MED12L: variants seen among roughly 807,000 people sequenced by gnomAD.
MED12L encodes mediator of RNA polymerase II transcription subunit 12-like protein.
A neutral mutation model predicts 281.3 loss-of-function variants in MED12L; 60 were observed. The observed-to-expected ratio is 0.21, with a 90% CI of 0.17 to 0.26. The LOEUF (loss-of-function observed/expected upper bound fraction) is 0.26, where lower values mean the gene tolerates loss of function less well. Ranked by LOEUF, MED12L falls within the 10% of genes least tolerant of loss-of-function variation. MED12L has a pLI of 1.00. For synonymous variants in MED12L, 974 were observed against 987.2 expected (o/e 0.99, Z 0.25); for missense variants, 2,146 against 2,680.9 (o/e 0.80, Z 4.41).
At chr3:151,328,586 G>C in intron 16 of MED12L, 1 of 1,613,742 alleles carries the variant, frequency 6.2e-7, no homozygotes, top group East Asian at 2.2e-5. Context: ...TGCAAAAACA[G>C]GTTTTTTTAG....
intron 5 of MED12L, among the ~76,000 whole-genome samples, chr3:151,129,715 T>TTGTGTGTG (rs62785262): frequency 6.1e-5 from 9 of 147,546 alleles, no homozygotes; most frequent in African/African-American, 2.2e-4. Flanking sequence ...ATATCTACAT[T>TTGTGTGTG]TGTGTGTGTG....
At chr3:151,209,065 A>T (rs930878566) in intron 16 of MED12L, among the ~76,000 whole-genome samples, 3 of 152,228 alleles carry the variant, frequency 2.0e-5, no homozygotes, top group Non-Finnish European at 4.4e-5. Flanking sequence ...GAGAGAAGCC[A>T]TAGAATCATA....
In MED12L at chr3:151,372,885, C is replaced by T. The variant is rs181955885; in HGVS notation, c.3864+119C>T. 64 of 683,796 alleles carry T rather than the reference C, an allele frequency of 9.4e-5. No homozygotes were observed. The East Asian group carries it at 9.5e-4, about 10-fold the overall frequency. The allele number at this position is 683,796 out of a possible 1,614,324, so 42.4% of individuals were successfully genotyped here. On this transcript the variant is annotated intron_variant, in intron 27 of 44. Transcript: ENST00000687756. ...CCTTTTTTTCTTGCTCACTTTATTT[C>T]GAAATAATTTTAAGTTTGCTGAAAA...
chr3:151,388,168 T>G lies in MED12L; in HGVS notation c.5447T>G (p.Val1816Gly). ...RKRKTKSSSR[V>G]DEYPQSNIYR... is the part of the protein sequence containing the mutation. ...CGCAAGACGAAATCTAGCTCAAGAG[T>G]TGATGTAAGTGGGGAAAGGAAGGAG... Residue 1816 changes from valine to glycine, a missense_variant, in exon 37 of 45, where the codon GTT becomes GGT. Physicochemically the swap from Val to Gly is moderately radical, Grantham distance 109. This residue lies in a region of MED12L where 496 missense variants were observed against 512.0 expected (regional missense o/e 0.97). Coordinates refer to ENST00000687756, the MANE Select transcript of MED12L (RefSeq NM_001393769.1). 1 of 1,593,286 alleles carries G rather than the reference T, an allele frequency of 6.3e-7. No homozygotes were observed. The highest frequency in any genetic ancestry group is 1.3e-5 in the African/African-American group (1 of 74,304).
In MED12L at chr3:151,359,137, G is replaced by A. The variant is rs137888772; in HGVS notation, c.2826-1337G>A. ...CTGTTGTTCTCATCCTTATGTCCACGTGTACCTCATGCTTAGCTCCCACTT... is the reference window on the plus strand; with the variant it reads ...CTGTTGTTCTCATCCTTATGTCCACATGTACCTCATGCTTAGCTCCCACTT... On this transcript the variant is annotated intron_variant, in intron 20 of 44. Coordinates refer to ENST00000687756, the MANE Select transcript of MED12L (RefSeq NM_001393769.1). Among the ~76,000 whole-genome samples, 599 of 152,078 alleles carry A rather than the reference G, an allele frequency of 3.9e-3. 3 individuals are homozygous for A. Among genetic ancestry groups the A allele is most frequent in the South Asian group, 0.025 (122 of 4,814 alleles).
In MED12L at chr3:151,433,885, C is replaced by A. The variant is rs1373182030; in HGVS notation, c.*1081C>A. On this transcript the variant is annotated 3_prime_UTR_variant, in exon 45 of 45. Coordinates refer to ENST00000687756, the MANE Select transcript of MED12L (RefSeq NM_001393769.1). ...CATATACTGTATTTATAAATTGGTG[C>A]AAAAAGCACAAGTAAATTATACATC... 6.6e-6 allele frequency: 1 copy of A among 152,470 alleles called. No individual in the cohort carries two copies. Among genetic ancestry groups the A allele is most frequent in the African/African-American group, 2.4e-5 (1 of 41,384 alleles). The allele number at this position is 152,470 out of a possible 1,614,324, so 9.4% of individuals were successfully genotyped here. A position where few individuals can be genotyped will look rare whatever the true frequency, so the allele number is the denominator to read the frequency against.
chr3:151,293,451 G>A (rs1744533467), intron 16 of MED12L, among the ~76,000 whole-genome samples: 1 of 152,046 alleles, frequency 6.6e-6, no homozygotes, highest in African/African-American at 2.4e-5. Flanking sequence ...AGCATCACAG[G>A]AGTGGGGGTG....
rs1372298222 is a variant in MED12L at position 151,291,634 on chromosome 3, C to T, written c.2251-58425C>T. ...TTTGGATTTCAAATTTTAGATTATT[C>T]CCAAAAGCCAGTTTTGAAAAAGCAA... On this transcript the variant is annotated intron_variant, in intron 16 of 44. Transcript: ENST00000687756. Among the ~76,000 whole-genome samples, 7 of 151,604 alleles carry T rather than the reference C, an allele frequency of 4.6e-5. No homozygotes were observed. The East Asian group carries it at 1.4e-3, about 29-fold the overall frequency.
At chr3:151,173,100 G>A (rs1553822868) in intron 11 of MED12L, among the ~76,000 whole-genome samples, 1 of 148,052 alleles carries the variant, frequency 6.8e-6, no homozygotes, top group Non-Finnish European at 1.5e-5. Context: ...ACTTTTTTGT[G>A]TGTGTTCTTT....
chr3:151,306,579 T>G (rs919613832), intron 16 of MED12L, among the ~76,000 whole-genome samples: 14 of 152,244 alleles, frequency 9.2e-5, no homozygotes, highest in Admixed American at 7.8e-4. Context: ...ACAGCTACTT[T>G]GGACACCCAG....
At chr3:151,353,357 C>T (rs1753483631) in intron 17 of MED12L, among the ~76,000 whole-genome samples, 1 of 152,158 alleles carries the variant, frequency 6.6e-6, no homozygotes, top group Non-Finnish European at 1.5e-5. Context: ...TGAGCAGCTA[C>T]AGTGAAGGCA....
chr3:151,369,426 G>A lies in MED12L; in HGVS notation c.3551-10G>A, dbSNP rs1462053887. On this transcript the variant is annotated splice_polypyrimidine_tract_variant and intron_variant, in intron 25 of 44. Transcript: ENST00000687756. ...GTAATGAGACTATTAAAGATTTGTT[G>A]TTTTTGTAGGCAAACCTTTCCCTGG... 6.4e-7 allele frequency: 1 copy of A among 1,574,734 alleles called. No homozygotes were observed.
chr3:151,294,263 T>G, intron 16 of MED12L: 1 of 1,614,030 alleles, frequency 6.2e-7, no homozygotes, highest in East Asian at 2.2e-5. Flanking sequence ...GATATTTGAT[T>G]TTTTGAACAG....
intron 2 of MED12L, among the ~76,000 whole-genome samples, chr3:151,089,933 C>A (rs1400336002): frequency 3.3e-5 from 5 of 152,194 alleles, no homozygotes; most frequent in African/African-American, 1.2e-4. Context: ...ACATCCTGTT[C>A]AGTTCCAAAA....
intron 16 of MED12L, among the ~76,000 whole-genome samples, chr3:151,302,252 T>C (rs1031098374): frequency 6.6e-6 from 1 of 152,158 alleles, no homozygotes; most frequent in African/African-American, 2.4e-5. Flanking sequence ...AAAGATATTA[T>C]TGTTTTGCTC....
chr3:151,364,887 G>C (rs1755081365), intron 21 of MED12L, 92 bp from the exon 22 acceptor site: 6 of 890,558 alleles, frequency 6.7e-6, no homozygotes, highest in Admixed American at 1.9e-5. Flanking sequence ...ATGCATTACA[G>C]TTCCTGCCAT....
intron 16 of MED12L, among the ~76,000 whole-genome samples, chr3:151,273,385 G>T (rs1741318332): frequency 6.8e-6 from 1 of 146,720 alleles, no homozygotes; most frequent in African/African-American, 2.5e-5. Context: ...ACACCACCAT[G>T]CCCGGCTAAT....
intron 43 of MED12L, among the ~76,000 whole-genome samples, chr3:151,422,553 G>A (rs9878370): frequency 0.84 from 127,904 of 152,150 alleles, 53,957 homozygotes; most frequent in Middle Eastern, 0.97. Context: ...GTCCTTATGC[G>A]TTTTCACTTT....
At position 151,435,081 on chromosome 3, in the gene MED12L, T is replaced by TG. The variant is rs1719976322; in HGVS notation, c.*2277_*2278insG. 1.4e-5 allele frequency: 2 copies of TG among 145,228 alleles called. No homozygotes were observed. The highest frequency in any genetic ancestry group is 3.0e-5 in the Non-Finnish European group (2 of 66,954). The allele number at this position is 145,228 out of a possible 1,614,324, so 9.0% of individuals were successfully genotyped here. ...AGGTTTCTTTTTTTTTTTTTTTTTTTTCTTTTCTTGCAAATGCATTCTTTT... is the reference window on the plus strand; with the variant it reads ...AGGTTTCTTTTTTTTTTTTTTTTTTTGTCTTTTCTTGCAAATGCATTCTTTT... On this transcript the variant is annotated 3_prime_UTR_variant, in exon 45 of 45. Coordinates refer to ENST00000687756, the MANE Select transcript of MED12L (RefSeq NM_001393769.1).
Sources: gnomAD v4.1 joint callset for allele counts (sites outside exome capture counted in the v4.1 genomes callset) on GRCh38, gnomAD v4.1.1 for gene constraint, gnomAD v4.1.1 regional missense constraint, MANE v1.5 for transcripts, NCBI Gene and HGNC (gene_info 2026-07-23, HGNC 2026-07-21) for gene names.